Variants in KYNU observed in about 807,000 individuals in gnomAD.
KYNU encodes L-kynurenine hydrolase.
A neutral mutation model predicts 59.2 loss-of-function variants in KYNU; 54 were observed. The ratio of observed to expected loss-of-function variants is 0.91; its 90% confidence interval spans 0.73 to 1.14. KYNU has a LOEUF of 1.14. Among genes scored for constraint, KYNU ranks in the 50% most tolerant of loss-of-function variants. The probability of loss-of-function intolerance (pLI) is 0.00; values close to 1 mark genes in which losing one functional copy is unlikely to be tolerated. For missense variants in KYNU, 567 were observed against 554.4 expected (o/e 1.02, Z -0.23); for synonymous variants, 177 against 192.0 (o/e 0.92, Z 0.65).
At chr2:142,902,595 G>A (rs1682140839) in intron 2 of KYNU, among the ~76,000 whole-genome samples, 1 of 152,186 alleles carries the variant, frequency 6.6e-6, no homozygotes, top group Non-Finnish European at 1.5e-5. Context: ...TGAGGGCCCT[G>A]GTGCCTTTGG....
chr2:142,912,108 A>T (rs986855427), intron 2 of KYNU, among the ~76,000 whole-genome samples: 4 of 152,054 alleles, frequency 2.6e-5, no homozygotes, highest in Non-Finnish European at 1.5e-5. Flanking sequence ...TTTTTGGGAT[A>T]GTTTCAGCAG....
intron 8 of KYNU, among the ~76,000 whole-genome samples, chr2:142,982,844 A>C (rs2105152764): frequency 6.6e-6 from 1 of 152,176 alleles, no homozygotes; most frequent in East Asian, 1.9e-4. Flanking sequence ...TTATTCTAAC[A>C]TGAGAACTAG....
intron 2 of KYNU, among the ~76,000 whole-genome samples, chr2:142,900,207 C>T (rs116670033): frequency 0.018 from 2,745 of 152,252 alleles, 70 homozygotes; most frequent in African/African-American, 0.063. Flanking sequence ...GGAGTGGCAG[C>T]GGGCGCCTCG....
At chr2:142,919,727 A>T (rs1682807104) in intron 3 of KYNU, among the ~76,000 whole-genome samples, 1 of 152,058 alleles carries the variant, frequency 6.6e-6, no homozygotes. Context: ...TGAGGCCAAG[A>T]GTTTGAGACC....
At chr2:142,920,575 C>A (rs902217890) in intron 3 of KYNU, among the ~76,000 whole-genome samples, 11 of 152,112 alleles carry the variant, frequency 7.2e-5, no homozygotes, top group African/African-American at 2.7e-4. Context: ...GCACCTCATG[C>A]TCTTCTATTG....
chr2:143,012,078 A>G (rs1460518024), intron 10 of KYNU, among the ~76,000 whole-genome samples: 3 of 151,034 alleles, frequency 2.0e-5, no homozygotes, highest in Admixed American at 6.6e-5. Flanking sequence ...AAAAAAAAAA[A>G]GAAAATACAC....
At chr2:142,990,091 C>T in intron 10 of KYNU, 1 of 151,796 alleles carries the variant, frequency 6.6e-6, no homozygotes, top group East Asian at 1.9e-4. Context: ...CTGTTATTCT[C>T]ACCTAGAATT....
At chr2:142,990,704 T>C (rs1016687555) in intron 10 of KYNU, among the ~76,000 whole-genome samples, 1 of 151,898 alleles carries the variant, frequency 6.6e-6, no homozygotes, top group South Asian at 2.1e-4. Flanking sequence ...ACATTTCCCT[T>C]GGGATACTTT....
In KYNU at chr2:143,045,696, C is replaced by T. The variant is rs1687154686; in HGVS notation, c.*3524C>T. On this transcript the variant is annotated 3_prime_UTR_variant, in exon 14 of 14. Transcript: ENST00000264170. ...ATTTTAAAGATGGAAGATGATGTCT[C>T]TCTATGTAACTCAGGCAGGTCTCAA... 1 of 152,060 alleles carries T rather than the reference C, an allele frequency of 6.6e-6. No homozygotes were observed. Among genetic ancestry groups the T allele is most frequent in the African/African-American group, 2.4e-5 (1 of 41,424 alleles). 9.4% of individuals were successfully genotyped at this position (152,060 alleles called of 1,614,324 possible).
rs1687259716 is a variant in KYNU, at chr2:143,051,179, C to CAA, written c.*9008_*9009dup. 1 of 152,064 alleles carries CAA rather than the reference C, an allele frequency of 6.6e-6. No individual in the cohort carries two copies. The highest frequency in any genetic ancestry group is 6.6e-5 in the Admixed American group (1 of 15,258). 9.4% of individuals were successfully genotyped at this position (152,064 alleles called of 1,614,324 possible). ...TGTTTTGACTAATTCTCTAGTTTTTCAACTTTTGATTGTTTAAGATGGTTC... is the reference window on the plus strand; with the variant it reads ...TGTTTTGACTAATTCTCTAGTTTTTCAAAACTTTTGATTGTTTAAGATGGTTC... On this transcript the variant is annotated 3_prime_UTR_variant, in exon 14 of 14. Transcript: ENST00000264170.
At chr2:142,967,860 A>C (rs1382607746) in intron 8 of KYNU, among the ~76,000 whole-genome samples, 3 of 152,198 alleles carry the variant, frequency 2.0e-5, no homozygotes, top group Non-Finnish European at 4.4e-5. Flanking sequence ...GAATGATATC[A>C]ATAATACATG....
intron 10 of KYNU, among the ~76,000 whole-genome samples, chr2:142,987,890 A>G (rs1685265343): frequency 6.6e-6 from 1 of 151,760 alleles, no homozygotes; most frequent in East Asian, 1.9e-4. Flanking sequence ...TAGTTGTTTA[A>G]AAGTGTGTAG....
At chr2:142,928,387 T>C (rs1398530529) in intron 4 of KYNU, among the ~76,000 whole-genome samples, 2 of 152,242 alleles carry the variant, frequency 1.3e-5, no homozygotes, top group Non-Finnish European at 2.9e-5. Flanking sequence ...AAATTAATGA[T>C]ATTTTGGTAA....
At chr2:143,015,979 T>G (rs912555109) in intron 10 of KYNU, among the ~76,000 whole-genome samples, 4 of 152,222 alleles carry the variant, frequency 2.6e-5, no homozygotes, top group African/African-American at 9.6e-5. Flanking sequence ...TCCTCACACC[T>G]GAAACATATT....
At chr2:142,986,843 G>C (rs1685216989) in intron 10 of KYNU, among the ~76,000 whole-genome samples, 1 of 151,874 alleles carries the variant, frequency 6.6e-6, no homozygotes, top group South Asian at 2.1e-4. Context: ...CACTGACTGA[G>C]TGGTAAAATC....
intron 8 of KYNU, among the ~76,000 whole-genome samples, chr2:142,984,263 G>A (rs1310019697): frequency 3.3e-5 from 5 of 151,874 alleles, no homozygotes; most frequent in Admixed American, 3.3e-4. Context: ...ATAATAATTA[G>A]AAATTATGTA....
chr2:143,029,803 A>G, intron 11 of KYNU, 124 bp downstream of exon 11: 2 of 671,896 alleles, frequency 3.0e-6, no homozygotes, highest in Non-Finnish European at 5.4e-6. Context: ...GTCACTGAGA[A>G]TTCTCAAATA....
intron 1 of KYNU, chr2:142,881,333 A>G (rs1269015622): frequency 1.3e-5 from 2 of 152,226 alleles, no homozygotes; most frequent in African/African-American, 4.8e-5. Context: ...GAACCTTGGT[A>G]TCTTTGTCTA....
intron 10 of KYNU, among the ~76,000 whole-genome samples, chr2:143,022,245 A>G (rs1330321856): frequency 6.6e-6 from 1 of 152,112 alleles, no homozygotes; most frequent in African/African-American, 2.4e-5. Flanking sequence ...AAAACTTAAG[A>G]ATAAGAATGT....
Sources: allele counts gnomAD v4.1 joint callset (sites outside exome capture counted in the v4.1 genomes callset), GRCh38; gene constraint gnomAD v4.1.1; transcripts MANE v1.5; gene names NCBI Gene and HGNC (gene_info 2026-07-23, HGNC 2026-07-21).